TTC39B: variants seen among roughly 807,000 people sequenced by gnomAD.
The protein encoded by TTC39B is tetratricopeptide repeat domain 39B.
A neutral mutation model predicts 96.6 loss-of-function variants in TTC39B; 92 were observed. The ratio of observed to expected loss-of-function variants is 0.95; its 90% CI spans 0.80 to 1.13. The LOEUF (loss-of-function observed/expected upper bound fraction) is 1.13, where lower values mean the gene tolerates loss of function less well. Among genes scored for constraint, TTC39B ranks in the 50% most tolerant of loss-of-function variants. TTC39B has a pLI of 0.00. For synonymous variants in TTC39B, 367 were observed against 299.4 expected, an observed-to-expected ratio of 1.23 and a Z score of -2.33; for missense variants, 955 against 809.3, an observed-to-expected ratio of 1.18 and a Z score of -2.18.
chr9:15,236,108 G>C (rs1417959975), intron 2 of TTC39B, among the ~76,000 whole-genome samples: 1 of 152,110 alleles, frequency 6.6e-6, no homozygotes, highest in African/African-American at 2.4e-5. Flanking sequence ...TCGACTCAAA[G>C]TAAAAGGGAG....
At chr9:15,248,539 A>G (rs1822385848) in intron 2 of TTC39B, among the ~76,000 whole-genome samples, 1 of 152,206 alleles carries the variant, frequency 6.6e-6, no homozygotes, top group Non-Finnish European at 1.5e-5. Flanking sequence ...GGAAGATACA[A>G]TATTTTGTTC....
intron 8 of TTC39B, among the ~76,000 whole-genome samples, chr9:15,192,923 T>C (rs1256118961): frequency 6.6e-6 from 1 of 152,198 alleles, no homozygotes; most frequent in Non-Finnish European, 1.5e-5. Context: ...CCAGTGTTTC[T>C]GGGCTTAAAG....
intron 1 of TTC39B, among the ~76,000 whole-genome samples, chr9:15,273,015 C>A (rs1399336369): frequency 6.6e-6 from 1 of 152,190 alleles, no homozygotes; most frequent in African/African-American, 2.4e-5. Flanking sequence ...GTGAGGAAAG[C>A]TGCATCACCT....
intron 6 of TTC39B, among the ~76,000 whole-genome samples, chr9:15,206,032 G>A (rs1051655426): frequency 5.9e-5 from 9 of 152,278 alleles, no homozygotes; most frequent in East Asian, 3.9e-4. Flanking sequence ...CTGAGCAGAC[G>A]GGTGGGCAGA....
intron 2 of TTC39B, among the ~76,000 whole-genome samples, chr9:15,266,003 T>A (rs924708038): frequency 6.6e-6 from 1 of 152,196 alleles, no homozygotes; most frequent in African/African-American, 2.4e-5. Context: ...TTGGGTGGGA[T>A]GCTGAGGCAG....
intron 2 of TTC39B, 92 bp downstream of exon 2, chr9:15,267,821 CT>C: frequency 8.5e-7 from 1 of 1,174,120 alleles, no homozygotes; most frequent in Non-Finnish European, 1.2e-6. Flanking sequence ...CATTGCCGTA[CT>C]CTCCAAAAAA....
intron 1 of TTC39B, among the ~76,000 whole-genome samples, chr9:15,303,411 C>T (rs1824662376): frequency 6.7e-6 from 1 of 148,808 alleles, no homozygotes; most frequent in African/African-American, 2.5e-5. Flanking sequence ...GGGTCTGTCA[C>T]CCAGGCTGGA....
chr9:15,182,338 A>T, exon 17 of TTC39B: 1 of 1,611,970 alleles, frequency 6.2e-7, no homozygotes, highest in Non-Finnish European at 8.5e-7. Context: ...CAGCTTTTTC[A>T]ACAGTTACTA....
chr9:15,216,346 G>A (rs554653814), intron 3 of TTC39B, among the ~76,000 whole-genome samples: 2 of 152,282 alleles, frequency 1.3e-5, no homozygotes, highest in South Asian at 4.1e-4. Flanking sequence ...GGGTACAACT[G>A]CTCTGAGTAG....
chr9:15,289,975 C>T (rs1490620276), intron 1 of TTC39B, among the ~76,000 whole-genome samples: 1 of 152,148 alleles, frequency 6.6e-6, no homozygotes, highest in African/African-American at 2.4e-5. Flanking sequence ...CAAACACTGA[C>T]CCAAAAGCAC....
At chr9:15,195,692 A>T (rs1459691544) in intron 8 of TTC39B, among the ~76,000 whole-genome samples, 2 of 151,704 alleles carry the variant, frequency 1.3e-5, no homozygotes, top group Admixed American at 1.3e-4. Context: ...AAAAAAAAAA[A>T]AGTGCTAAGT....
Position 15,199,933 on chromosome 9 carries a change from T to A in TTC39B, c.760-8A>T. 1 of 1,516,496 alleles carries A rather than the reference T, an allele frequency of 6.6e-7. No individual in the cohort carries two copies. The highest frequency in any genetic ancestry group is 9.0e-7 in the Non-Finnish European group (1 of 1,105,378). 93.9% of individuals were successfully genotyped at this position (1,516,496 alleles called of 1,614,324 possible). On this transcript the variant is annotated splice_polypyrimidine_tract_variant and splice_region_variant and intron_variant, in intron 7 of 19. Coordinates refer to ENST00000512701, the Ensembl canonical transcript of TTC39B. The stretch of plus-strand genomic sequence containing the variant: ...GTTGATCATATTTTCATCCTGAAAA[T>A]AATTCAGTTAAAAAATTAGATTATT...
At chr9:15,170,902 T>C (rs1195401580) in exon 20 of TTC39B, 3 of 152,178 alleles carry the variant, frequency 2.0e-5, no homozygotes, top group African/African-American at 7.2e-5. Context: ...ATACATAGAC[T>C]CACAGTTATA....
rs551557373 is a variant in TTC39B, at chr9:15,251,665, G to A, written c.275+16249C>T. Among the ~76,000 whole-genome samples the A allele has an allele frequency of 8.8e-3, 829 of 94,540 alleles. 10 individuals are homozygous for A. Among genetic ancestry groups the A allele is most frequent in the African/African-American group, 0.031 (782 of 25,282 alleles). 62.0% of individuals were successfully genotyped at this position (94,540 alleles called of 152,430 possible). On this transcript the variant is annotated intron_variant, in intron 2 of 19. Transcript: ENST00000512701. ...TTTCTTCCTCTCTATATATATACGC[G>A]CATACACACACACACACACACACAC...
In TTC39B at chr9:15,181,783, A is replaced by C. The variant is rs116362226; in HGVS notation, c.1723+524T>G. 9.2e-3 allele frequency among the ~76,000 whole-genome samples: 1,398 copies of C among 152,316 alleles called. 24 individuals are homozygous for C. The highest frequency in any genetic ancestry group is 0.032 in the African/African-American group (1,310 of 41,550). ...TTCCTTGTGCTGCGCTAAAATTCCA[A>C]TGCTGGGCTTCCTCTCTTCATCTTT... On this transcript the variant is annotated intron_variant, in intron 17 of 19. Transcript: ENST00000512701.
chr9:15,222,858 G>A (rs574246894), intron 3 of TTC39B, among the ~76,000 whole-genome samples: 1 of 152,278 alleles, frequency 6.6e-6, no homozygotes, highest in South Asian at 2.1e-4. Flanking sequence ...GAGTAACCTT[G>A]TGTTCAGCCC....
chr9:15,291,660 G>A (rs918668886), intron 1 of TTC39B, among the ~76,000 whole-genome samples: 4 of 152,234 alleles, frequency 2.6e-5, no homozygotes, highest in Middle Eastern at 6.8e-3. Flanking sequence ...CTGCTAGAAG[G>A]ATGCACAAAC....
At chr9:15,169,958 T>G (rs1461985065) in exon 20 of TTC39B, 1 of 152,168 alleles carries the variant, frequency 6.6e-6, no homozygotes, top group Non-Finnish European at 1.5e-5. Flanking sequence ...ATATGCTCAG[T>G]ATACCCACAG....
intron 1 of TTC39B, 49 bp from the exon 2 acceptor site, chr9:15,267,997 T>G (rs1233935323): frequency 6.4e-7 from 1 of 1,559,418 alleles, no homozygotes; most frequent in South Asian, 1.1e-5. Flanking sequence ...TCTCAATGGG[T>G]TTCTCAAGAA....
Sources: gnomAD v4.1 joint callset for allele counts (sites outside exome capture counted in the v4.1 genomes callset) on GRCh38, gnomAD v4.1.1 for gene constraint, MANE v1.5 for transcripts, NCBI Gene and HGNC (gene_info 2026-07-23, HGNC 2026-07-21) for gene names.